Variants in ROBO2 observed in about 807,000 individuals in gnomAD.
The protein encoded by ROBO2 is roundabout homolog 2.
A neutral mutation model predicts 160.8 loss-of-function variants in ROBO2; 53 were observed. The observed-to-expected ratio is 0.33, with a 90% CI of 0.26 to 0.41. ROBO2 has a LOEUF of 0.41. Among genes scored for constraint, ROBO2 ranks in the 10% least tolerant of loss-of-function variants. The pLI is 1.00. For synonymous variants in ROBO2, 664 were observed against 611.7 expected (o/e 1.09, Z -1.26); for missense variants, 1,577 against 1,722.4 (o/e 0.92, Z 1.49).
At chr3:76,551,100 T>G (rs562837322) in intron 2 of ROBO2, among the ~76,000 whole-genome samples, 1 of 152,084 alleles carries the variant, frequency 6.6e-6, no homozygotes, top group East Asian at 2.0e-4. Context: ...ATGGTGCTTT[T>G]TCCAGTCCCA....
intron 2 of ROBO2, among the ~76,000 whole-genome samples, chr3:76,028,271 C>T (rs1348866439): frequency 1.3e-5 from 2 of 151,650 alleles, no homozygotes; most frequent in Non-Finnish European, 2.9e-5. Flanking sequence ...GATAATAATA[C>T]ATGAAGGTAA....
chr3:76,940,213 A>G (rs2078080686), intron 2 of ROBO2, among the ~76,000 whole-genome samples: 1 of 151,856 alleles, frequency 6.6e-6, no homozygotes, highest in South Asian at 2.1e-4. Flanking sequence ...CGATCTCTTG[A>G]CCTCGTGATC....
chr3:77,100,167 G>T lies in ROBO2; in HGVS notation c.388+1827G>T, dbSNP rs184758853. On this transcript the variant is annotated intron_variant, in intron 2 of 25. Coordinates refer to ENST00000461745, the Ensembl canonical transcript of ROBO2. ...GGGAATATTTTAAACCATGATTTTT[G>T]TGTGTGTGTGTAATGTGACAGTAAT... 6.1e-4 allele frequency among the ~76,000 whole-genome samples: 93 copies of T among 151,800 alleles called. No individual in the cohort carries two copies. The South Asian group carries it at 0.016, about 26-fold the overall frequency.
At chr3:76,956,934 T>C (rs1187128402) in intron 2 of ROBO2, among the ~76,000 whole-genome samples, 1 of 152,040 alleles carries the variant, frequency 6.6e-6, no homozygotes, top group Non-Finnish European at 1.5e-5. Context: ...AATAACTAAA[T>C]GTATACAATT....
rs189613470 is a variant in ROBO2, at chr3:76,714,431, G to A, written c.110-383583G>A. On this transcript the variant is annotated intron_variant, in intron 2 of 26. Coordinates refer to the ROBO2 transcript ENST00000487694. ...CTCATTGAACAACAAGGAAACTTTT[G>A]ATAATAGCCAGGACTAAAGAGGAAG... is the stretch of plus-strand genomic sequence containing the variant. Among the ~76,000 whole-genome samples, 4 of 152,220 alleles carry A rather than the reference G, an allele frequency of 2.6e-5. No homozygotes were observed. The East Asian group carries it at 7.7e-4, about 29-fold the overall frequency.
At chr3:77,483,408 T>C (rs1459130004) in intron 4 of ROBO2, among the ~76,000 whole-genome samples, 1 of 152,130 alleles carries the variant, frequency 6.6e-6, no homozygotes, top group Non-Finnish European at 1.5e-5. Flanking sequence ...GTCTTCTTTA[T>C]TTTATGCTGG....
At chr3:76,124,168 A>C (rs1002588564) in intron 2 of ROBO2, among the ~76,000 whole-genome samples, 1 of 152,124 alleles carries the variant, frequency 6.6e-6, no homozygotes, top group Non-Finnish European at 1.5e-5. Flanking sequence ...AAATTACCTA[A>C]TGAAAAAATT....
intron 2 of ROBO2, among the ~76,000 whole-genome samples, chr3:76,474,312 A>C (rs1284779768): frequency 3.3e-5 from 5 of 152,150 alleles, no homozygotes; most frequent in Non-Finnish European, 7.4e-5. Flanking sequence ...TCTTAGTTAA[A>C]TGATACATTA....
intron 2 of ROBO2, among the ~76,000 whole-genome samples, chr3:76,402,270 C>T (rs3849482): frequency 0.058 from 8,824 of 151,480 alleles, 346 homozygotes; most frequent in Middle Eastern, 0.11. Context: ...TCTTATGTCC[C>T]CAGTGGTAAA....
chr3:77,365,755 C>CG (rs34348995), intron 2 of ROBO2, among the ~76,000 whole-genome samples: 61,546 of 151,856 alleles, frequency 0.41, 13,189 homozygotes, highest in East Asian at 0.71. Context: ...GATAAGAGGA[C>CG]CTCTCATGGT....
At position 76,502,998 on chromosome 3, in the gene ROBO2, A is replaced by ATGTG. The variant is rs1268241725; in HGVS notation, c.109+565397_109+565398insGTGT. The stretch of plus-strand genomic sequence containing the variant: ...GACAGAACTAACAGGATATATATAT[A>ATGTG]TATGTGTGTGTGTGTGTGTGTGCGC... On this transcript the variant is annotated intron_variant, in intron 2 of 26. Coordinates refer to the ROBO2 transcript ENST00000487694. Among the ~76,000 whole-genome samples the ATGTG allele has an allele frequency of 3.9e-3, 485 of 125,854 alleles. 8 individuals carry two copies. The East Asian group carries it at 0.07, about 18-fold the overall frequency. 82.6% of individuals were successfully genotyped at this position (125,854 alleles called of 152,430 possible).
chr3:77,522,582 A>G (rs2090715811), intron 5 of ROBO2, among the ~76,000 whole-genome samples, 193 bp from the exon 6 acceptor site: 1 of 151,318 alleles, frequency 6.6e-6, no homozygotes, highest in South Asian at 2.1e-4. Context: ...ACAAACAGCT[A>G]AAGATCAGAT....
intron 2 of ROBO2, among the ~76,000 whole-genome samples, chr3:77,219,445 T>TATATATATATA (rs2085447171): frequency 1.5e-5 from 2 of 130,220 alleles, no homozygotes; most frequent in South Asian, 5.0e-4. Flanking sequence ...TATATATATA[T>TATATATATATA]ATATATATAT....
At chr3:76,146,280 T>C (rs1191710365) in intron 2 of ROBO2, among the ~76,000 whole-genome samples, 2 of 152,082 alleles carry the variant, frequency 1.3e-5, no homozygotes, top group East Asian at 1.9e-4. Flanking sequence ...ATTATGTTTC[T>C]TTTAGGGACT....
intron 2 of ROBO2, among the ~76,000 whole-genome samples, chr3:75,986,229 C>A (rs2065409529): frequency 6.6e-6 from 1 of 151,284 alleles, no homozygotes; most frequent in African/African-American, 2.4e-5. Flanking sequence ...TTAATAGTAA[C>A]TATCATCATG....
intron 2 of ROBO2, among the ~76,000 whole-genome samples, chr3:76,955,865 C>T (rs1187867395): frequency 7.2e-6 from 1 of 138,234 alleles, no homozygotes; most frequent in African/African-American, 2.7e-5. Context: ...GAGGCGGAGA[C>T]AGGTGTTGCA....
chr3:76,431,329 T>C (rs1267454833), intron 2 of ROBO2, among the ~76,000 whole-genome samples: 3 of 152,142 alleles, frequency 2.0e-5, no homozygotes, highest in African/African-American at 7.2e-5. Context: ...TGTACTAGTT[T>C]CTAAGAATTC....
At chr3:76,907,761 A>T (rs533771067) in intron 2 of ROBO2, among the ~76,000 whole-genome samples, 1 of 152,106 alleles carries the variant, frequency 6.6e-6, no homozygotes, top group Non-Finnish European at 1.5e-5. Flanking sequence ...AATCATTAAT[A>T]AAAGGCTAGA....
At chr3:76,458,824 A>G (rs2077925594) in intron 2 of ROBO2, among the ~76,000 whole-genome samples, 1 of 152,180 alleles carries the variant, frequency 6.6e-6, no homozygotes. Flanking sequence ...AGATCTCATG[A>G]GACTTATTCA....
Sources: gnomAD v4.1 joint callset for allele counts (sites outside exome capture counted in the v4.1 genomes callset) on GRCh38, gnomAD v4.1.1 for gene constraint, MANE v1.5 for transcripts, NCBI Gene and HGNC (gene_info 2026-07-23, HGNC 2026-07-21) for gene names.